Variants in CASK observed in about 807,000 individuals in gnomAD.
CASK encodes the protein calcium/calmodulin dependent serine protein kinase.
A neutral mutation model predicts 82.9 loss-of-function variants in CASK; 4 were observed. The ratio of observed to expected loss-of-function variants is 0.05; its 90% confidence interval spans 0.02 to 0.11. The LOEUF is 0.11. CASK is among the 10% of genes least tolerant of loss of function. The pLI is 1.00. For missense variants in CASK, 358 were observed against 720.9 expected, an observed-to-expected ratio of 0.50 and a Z score of 5.76; for synonymous variants, 259 against 253.5, an observed-to-expected ratio of 1.02 and a Z score of -0.20.
intron 3 of CASK, among the ~76,000 whole-genome samples, chrX:41,779,636 A>C (rs1172420825): frequency 8.9e-6 from 1 of 112,030 alleles, no homozygotes; most frequent in Admixed American, 9.5e-5. Flanking sequence ...AAAAGAAAAA[A>C]TCAAAATAGA....
intron 1 of CASK, among the ~76,000 whole-genome samples, chrX:41,899,525 A>G (rs185489838): frequency 3.6e-5 from 4 of 111,477 alleles, no homozygotes; most frequent in Admixed American, 2.8e-4. Context: ...TTTCTCTGTA[A>G]GAGAATGCTT....
chrX:41,893,807 A>C (rs1463058103), intron 1 of CASK, among the ~76,000 whole-genome samples: 2 of 112,552 alleles, frequency 1.8e-5, no homozygotes, highest in East Asian at 5.6e-4. Flanking sequence ...AAAAAATCCT[A>C]GCACAAACTT....
chrX:41,575,962 TTTTTC>T lies in CASK; in HGVS notation c.1503+2373_1503+2377del, dbSNP rs890106283. On this transcript the variant is annotated intron_variant, in intron 15 of 26. Transcript: ENST00000378163. Reference sequence around the variant, plus strand: ...ATGCTTTTATTCAGTCTATGTTTCTTTTTTCTTTTCTTTTCTTTTCTTTTTTTTTT... The same window carrying T: ...ATGCTTTTATTCAGTCTATGTTTCTTTTTTCTTTTCTTTTCTTTTTTTTTT... Among the ~76,000 whole-genome samples the T allele has an allele frequency of 1.1e-4, 12 of 109,922 alleles. No individual in the cohort carries two copies. In the East Asian group the frequency reaches 1.1e-3, roughly 11 times the overall value.
At chrX:41,727,103 G>T in intron 5 of CASK, 2 of 1,173,347 alleles carry the variant, frequency 1.7e-6, no homozygotes. Context: ...ATCCTCCTTT[G>T]TATTGTTGGT....
At position 41,782,410 on chromosome X, in the gene CASK, G is replaced by A. The variant is rs568675333; in HGVS notation, c.278+4768C>T. Among the ~76,000 whole-genome samples the A allele has an allele frequency of 1.3e-3, 151 of 112,110 alleles. 1 individual carries two copies. The South Asian group carries it at 0.053, about 39-fold the overall frequency. The stretch of plus-strand genomic sequence containing the variant: ...ATCCAATTTAACCAGGTCTCATCTC[G>A]ATATACAGCCAACCATGAATTATTT... On this transcript the variant is annotated intron_variant, in intron 3 of 26. Transcript: ENST00000378163.
At chrX:41,715,088 CTTG>C (rs1210679706) in intron 5 of CASK, among the ~76,000 whole-genome samples, 1 of 112,436 alleles carries the variant, frequency 8.9e-6, no homozygotes, top group Admixed American at 9.4e-5. Flanking sequence ...GGATGCCACT[CTTG>C]ATCAAAGAAG....
chrX:41,655,206 A>C (rs1021718778), intron 8 of CASK, among the ~76,000 whole-genome samples: 6 of 111,347 alleles, frequency 5.4e-5, no homozygotes, highest in African/African-American at 2.0e-4. Context: ...TTAATTGGAC[A>C]CGCTAACTAG....
chrX:41,653,442 AGAT>A (rs1234304052), intron 8 of CASK, among the ~76,000 whole-genome samples: 1 of 112,187 alleles, frequency 8.9e-6, no homozygotes, highest in African/African-American at 3.2e-5. Flanking sequence ...AGTAAGAAAA[AGAT>A]GAAATATTCA....
chrX:41,887,296 CCACACACACACACA>C lies in CASK; in HGVS notation c.60-34083_60-34070del, dbSNP rs3055225. Among the ~76,000 whole-genome samples the C allele has an allele frequency of 7.5e-4, 63 of 83,506 alleles. No individual in the cohort carries two copies. The South Asian group carries it at 0.025, about 33-fold the overall frequency. 72.5% of individuals were successfully genotyped at this position (83,506 alleles called of 115,157 possible). A position where few individuals can be genotyped will look rare whatever the true frequency, so the allele number is the denominator to read the frequency against. On this transcript the variant is annotated intron_variant, in intron 1 of 26. Transcript: ENST00000378163. Reference sequence around the variant, plus strand: ...TATCTTTCTTTTAGGCTAGTTGAGTCCACACACACACACACACACACACACACACACACACACAC... The same window carrying C: ...TATCTTTCTTTTAGGCTAGTTGAGTCCACACACACACACACACACACACAC...
chrX:41,536,111 ATTAT>A (rs755914759), intron 22 of CASK, among the ~76,000 whole-genome samples: 7 of 110,862 alleles, frequency 6.3e-5, no homozygotes, highest in Non-Finnish European at 1.1e-4. Context: ...GGGCTGCTTT[ATTAT>A]TTATTTATTT....
intron 21 of CASK, among the ~76,000 whole-genome samples, chrX:41,545,720 T>C (rs1218329997): frequency 8.9e-6 from 1 of 111,737 alleles, no homozygotes; most frequent in Non-Finnish European, 1.9e-5. Context: ...ATGAAATCTA[T>C]CTAGGAAGAA....
chrX:41,564,327 T>C (rs2065277004), intron 16 of CASK, among the ~76,000 whole-genome samples: 1 of 112,510 alleles, frequency 8.9e-6, no homozygotes, highest in South Asian at 3.6e-4. Context: ...TCTACATTAT[T>C]CTTAATGAAG....
intron 3 of CASK, among the ~76,000 whole-genome samples, chrX:41,751,950 G>A (rs943851034): frequency 1.8e-5 from 2 of 108,648 alleles, no homozygotes; most frequent in Non-Finnish European, 3.8e-5. Flanking sequence ...AGAGGCTGAG[G>A]TGGGAGGATC....
At chrX:41,546,893 TG>T (rs2065030383) in intron 21 of CASK, among the ~76,000 whole-genome samples, 1 of 112,103 alleles carries the variant, frequency 8.9e-6, no homozygotes, top group East Asian at 2.8e-4. Context: ...AACCCTGCTT[TG>T]ACAATTATTA....
At chrX:41,619,406 T>C (rs1304533560) in intron 11 of CASK, among the ~76,000 whole-genome samples, 1 of 110,447 alleles carries the variant, frequency 9.1e-6, no homozygotes, top group African/African-American at 3.3e-5. Context: ...CTCAAAGTGC[T>C]GGCAAGGCAT....
intron 3 of CASK, among the ~76,000 whole-genome samples, chrX:41,769,781 TA>T (rs765914998): frequency 1.8e-5 from 2 of 110,329 alleles, no homozygotes; most frequent in Non-Finnish European, 3.8e-5. Flanking sequence ...ATGTCTGTAC[TA>T]AAAATAAAAA....
At chrX:41,872,446 C>T (rs2071722844) in intron 1 of CASK, among the ~76,000 whole-genome samples, 1 of 111,746 alleles carries the variant, frequency 8.9e-6, no homozygotes, top group Non-Finnish European at 1.9e-5. Context: ...TACCTATGCT[C>T]CTTGTGCTTT....
chrX:41,727,262 T>C lies in CASK; in HGVS notation c.429+12122A>G, dbSNP rs943947249. On this transcript the variant is annotated intron_variant, in intron 5 of 26. Coordinates refer to ENST00000378163, the MANE Select transcript of CASK (RefSeq NM_001367721.1). ...ATGAGTATCTATTTCCTGAAAGGTT[T>C]CCAATGGGAATATCAATCTGCTCAA... 7 of 1,209,034 alleles carry C rather than the reference T, an allele frequency of 5.8e-6. No individual in the cohort carries two copies. The Admixed American group carries it at 8.7e-5, about 15-fold the overall frequency.
At chrX:41,907,332 AG>A (rs2072486165) in intron 1 of CASK, among the ~76,000 whole-genome samples, 1 of 112,186 alleles carries the variant, frequency 8.9e-6, no homozygotes, top group Non-Finnish European at 1.9e-5. Context: ...TACCAGAGCC[AG>A]GGGAGACTAC....
Sources: gnomAD v4.1 joint callset for allele counts (sites outside exome capture counted in the v4.1 genomes callset) on GRCh38, gnomAD v4.1.1 for gene constraint, MANE v1.5 for transcripts, NCBI Gene and HGNC (gene_info 2026-07-23, HGNC 2026-07-21) for gene names.